SNED1: variants seen among roughly 807,000 people sequenced by gnomAD.
The protein encoded by SNED1 is sushi, nidogen and EGF-like domain-containing protein 1.
In SNED1, 81 loss-of-function variants were observed where a neutral mutation model predicts 166.7. The observed-to-expected ratio is 0.49, with a 90% CI of 0.41 to 0.58. The LOEUF (loss-of-function observed/expected upper bound fraction) is 0.58. Among genes scored for constraint, SNED1 ranks in the 20% least tolerant of loss-of-function variants. The pLI, the probability that SNED1 is intolerant of heterozygous loss-of-function variation, is 0.00. For missense variants in SNED1, 1,604 were observed against 2,000.2 expected, an observed-to-expected ratio of 0.80 and a Z score of 3.78; for synonymous variants, 762 against 822.0, an observed-to-expected ratio of 0.93 and a Z score of 1.25.
Position 241,049,118 on chromosome 2 carries a change from A to G in SNED1, c.1601A>G (p.Asp534Gly), listed in dbSNP as rs754319364. 5 of 1,611,190 alleles carry G rather than the reference A, an allele frequency of 3.1e-6. No homozygotes were observed. In the African/African-American group the frequency reaches 6.7e-5, roughly 22 times the overall value. The change falls in exon 11 of 32, where the codon GAC (aspartate) becomes GGC (glycine). Residue 534 changes from aspartate to glycine, a missense_variant. Coordinates refer to ENST00000310397, the MANE Select transcript of SNED1 (RefSeq NM_001080437.3). Reference protein sequence around the residue: ...GGSYLCVCHTDHNASHSLPSP... With the variant: ...GGSYLCVCHTGHNASHSLPSP... ...AGCTACCTCTGCGTCTGCCACACCGACCACAATGCCAGCCACTGTGAGTAG... is the reference window on the plus strand; with the variant it reads ...AGCTACCTCTGCGTCTGCCACACCGGCCACAATGCCAGCCACTGTGAGTAG...
chr2:241,002,717 G>A (rs1455813349), intron 1 of SNED1, among the ~76,000 whole-genome samples: 1 of 152,040 alleles, frequency 6.6e-6, no homozygotes, highest in African/African-American at 2.4e-5. Context: ...GGAAACCGAG[G>A]CTCAGAATGC....
chr2:241,071,966 GCCCACC>G, intron 26 of SNED1, 88 bp downstream of exon 26: 1 of 1,112,986 alleles, frequency 9.0e-7, no homozygotes, highest in Non-Finnish European at 1.3e-6. Context: ...TACATGATGA[GCCCACC>G]CCCACCGCCA....
chr2:241,037,740 G>A (rs997287462), intron 6 of SNED1, among the ~76,000 whole-genome samples: 1 of 152,244 alleles, frequency 6.6e-6, no homozygotes, highest in East Asian at 1.9e-4. Context: ...AGCTTGAGGG[G>A]AACGTGAAGT....
At chr2:241,036,652 C>A in intron 4 of SNED1, 138 bp from the exon 5 acceptor site, 1 of 1,112,070 alleles carries the variant, frequency 9.0e-7, no homozygotes, top group Non-Finnish European at 1.3e-6. Flanking sequence ...TGAAACCTGG[C>A]TGCTTTGCTG....
chr2:241,089,504 C>A, intron 31 of SNED1: 1 of 1,422,334 alleles, frequency 7.0e-7, no homozygotes, highest in Non-Finnish European at 9.4e-7. Flanking sequence ...GCCGGAGCTC[C>A]GCACATGGCA....
intron 1 of SNED1, among the ~76,000 whole-genome samples, chr2:241,022,594 A>G (rs1469270001): frequency 6.6e-6 from 1 of 152,182 alleles, no homozygotes; most frequent in Non-Finnish European, 1.5e-5. Context: ...GGTAGGATAT[A>G]GAGGAACCTC....
In SNED1 at chr2:241,073,156, C is replaced by A. The variant is rs577664746; in HGVS notation, c.3818-110C>A. ...GGCCACGCAGGGAGCCTGGTCCCCA[C>A]CAGGGACATCCGTGCTCCCTGAGAT... On this transcript the variant is annotated intron_variant, in intron 26 of 31. Coordinates refer to ENST00000310397, the MANE Select transcript of SNED1 (RefSeq NM_001080437.3). This position sits in a 1 kb window ranked among gnomAD's most constrained non-coding sequence, Gnocchi z 6.6. 1 of 770,714 alleles carries A rather than the reference C, an allele frequency of 1.3e-6. No homozygotes were observed. Among genetic ancestry groups the A allele is most frequent in the East Asian group, 2.7e-5 (1 of 36,888 alleles). 47.7% of individuals were successfully genotyped at this position (770,714 alleles called of 1,614,324 possible).
intron 1 of SNED1, among the ~76,000 whole-genome samples, chr2:241,017,796 C>A (rs373611038): frequency 2.0e-5 from 3 of 152,356 alleles, no homozygotes; most frequent in Non-Finnish European, 2.9e-5. Flanking sequence ...TGTGAAGAAT[C>A]CTGCAGAGCC....
At chr2:241,089,004 C>A in intron 31 of SNED1, 1 of 306,984 alleles carries the variant, frequency 3.3e-6, no homozygotes, top group Non-Finnish European at 6.0e-6. Flanking sequence ...AAAGGAACTT[C>A]CTCTCGCCTT....
chr2:241,005,784 C>T lies in SNED1; in HGVS notation c.213+6734C>T, dbSNP rs1375473220. ...GCTGTCATTCCCATCTTTGTCCCTC[C>T]GCATATGCATCTTTTTTCTCTGATT... On this transcript the variant is annotated intron_variant, in intron 1 of 31. Coordinates refer to ENST00000310397, the MANE Select transcript of SNED1 (RefSeq NM_001080437.3). Among the ~76,000 whole-genome samples the T allele has an allele frequency of 5.3e-5, 8 of 151,894 alleles. No individual in the cohort carries two copies. The South Asian group carries it at 8.3e-4, about 16-fold the overall frequency.
chr2:241,071,364 C>A, intron 24 of SNED1: 1 of 608,204 alleles, frequency 1.6e-6, no homozygotes, highest in East Asian at 2.8e-5. Context: ...GCGCATGGCT[C>A]CTCCTCAGAA....
chr2:241,067,668 C>T lies in SNED1; in HGVS notation c.3011-96C>T, dbSNP rs1422519940. 2.0e-5 allele frequency: 21 copies of T among 1,055,146 alleles called. No individual in the cohort carries two copies. The Admixed American group carries it at 4.8e-4, about 24-fold the overall frequency. 65.4% of individuals were successfully genotyped at this position (1,055,146 alleles called of 1,614,324 possible). Reference sequence around the variant, plus strand: ...CCCTCTCCAGTGCCTCTCTGTGGCCCCCAGCACCCTCCCAAGCCTGGTTTC... The same window carrying T: ...CCCTCTCCAGTGCCTCTCTGTGGCCTCCAGCACCCTCCCAAGCCTGGTTTC... On this transcript the variant is annotated intron_variant, in intron 21 of 31. Transcript: ENST00000310397.
At chr2:241,086,041 T>C (rs2063558680) in intron 29 of SNED1, among the ~76,000 whole-genome samples, 1 of 151,942 alleles carries the variant, frequency 6.6e-6, no homozygotes. Context: ...CTAATTTTTG[T>C]ATTTTAGTAG....
chr2:241,007,717 T>A (rs1198303426), intron 1 of SNED1, among the ~76,000 whole-genome samples: 1 of 152,230 alleles, frequency 6.6e-6, no homozygotes, highest in African/African-American at 2.4e-5. Context: ...GTTGCCTATT[T>A]CTTTCAATGT....
At chr2:241,015,420 G>A (rs1198395949) in intron 1 of SNED1, among the ~76,000 whole-genome samples, 1 of 152,154 alleles carries the variant, frequency 6.6e-6, no homozygotes, top group Non-Finnish European at 1.5e-5. Flanking sequence ...CTGGCACATA[G>A]AACTATAATT....
At position 240,999,103 on chromosome 2, in the gene SNED1, C is replaced by G. The variant is rs1408947868; in HGVS notation, c.213+53C>G. 3.6e-6 allele frequency: 4 copies of G among 1,115,334 alleles called. No individual in the cohort carries two copies. In the African/African-American group the frequency reaches 5.0e-5, roughly 14 times the overall value. 69.1% of individuals were successfully genotyped at this position (1,115,334 alleles called of 1,614,324 possible). ...CCCGGGAGGGGAGGGAGCTGCGCCC[C>G]GGCCGCTGCCCGCCGGGCCCGGACT... On this transcript the variant is annotated intron_variant, in intron 1 of 31. Coordinates refer to ENST00000310397, the MANE Select transcript of SNED1 (RefSeq NM_001080437.3). The surrounding 1 kb of genome is among the most constrained non-coding windows in gnomAD (Gnocchi z 5.8).
chr2:241,066,311 G>A (rs928374570), intron 21 of SNED1, among the ~76,000 whole-genome samples: 2 of 152,198 alleles, frequency 1.3e-5, no homozygotes, highest in East Asian at 1.9e-4. Flanking sequence ...AGGGCTTAGC[G>A]GGCTTGTGTG....
At chr2:241,078,382 CAA>C (rs60965517) in intron 27 of SNED1, among the ~76,000 whole-genome samples, 198 of 116,148 alleles carry the variant, frequency 1.7e-3, no homozygotes, top group South Asian at 4.6e-3. Flanking sequence ...GACTCCGTCT[CAA>C]AAAAAAAAAA....
rs562129843 is a variant in SNED1 at position 241,049,749 on chromosome 2, G to A, written c.1619-68G>A. On this transcript the variant is annotated intron_variant, in intron 11 of 31. Coordinates refer to ENST00000310397, the MANE Select transcript of SNED1 (RefSeq NM_001080437.3). ...GGTAACCCTGGCAGGCAAGGTGCCC[G>A]CCAGCCTCTTGCCGCCCGCACAGAT... The A allele has an allele frequency of 3.1e-5, 39 of 1,263,610 alleles. No homozygotes were observed. In the East Asian group the frequency reaches 5.9e-4, roughly 19 times the overall value. The allele number at this position is 1,263,610 out of a possible 1,614,324, so 78.3% of individuals were successfully genotyped here.
Sources: gnomAD v4.1 joint callset for allele counts (sites outside exome capture counted in the v4.1 genomes callset) on GRCh38, gnomAD v4.1.1 for gene constraint, Gnocchi (gnomAD v3.1) non-coding constraint, MANE v1.5 for transcripts, NCBI Gene and HGNC (gene_info 2026-07-23, HGNC 2026-07-21) for gene names.